The following ANTXRL variants were observed in gnomAD, a reference collection of about 807,000 sequenced individuals.
ANTXRL encodes the protein ANTXR like.
In ANTXRL, 63 loss-of-function variants were observed where a neutral mutation model predicts 75.4. That is an observed-to-expected ratio of 0.84 (90% confidence interval 0.68 to 1.03). The LOEUF (loss-of-function observed/expected upper bound fraction) is 1.03. Among genes scored for constraint, ANTXRL ranks in the 50% least tolerant of loss-of-function variants. The pLI is 0.00. For missense variants in ANTXRL, 797 were observed against 789.4 expected, an observed-to-expected ratio of 1.01 and a Z score of -0.12; for synonymous variants, 335 against 291.3, an observed-to-expected ratio of 1.15 and a Z score of -1.53.
At chr10:46,308,981 C>A in intron 12 of ANTXRL, 132 bp from the exon 13 acceptor site, 1 of 1,278,318 alleles carries the variant, frequency 7.8e-7, no homozygotes, top group Non-Finnish European at 1.1e-6. Context: ...CAGCCCTGGC[C>A]GCTGGCCCCA....
At position 46,287,140 on chromosome 10, in the gene ANTXRL, G is replaced by A; in HGVS notation, c.-123G>A. 1 of 1,280,446 alleles carries A rather than the reference G, an allele frequency of 7.8e-7. No individual in the cohort carries two copies. Among genetic ancestry groups the A allele is most frequent in the Non-Finnish European group, 1.0e-6 (1 of 953,166 alleles). The allele number at this position is 1,280,446 out of a possible 1,614,324, so 79.3% of individuals were successfully genotyped here. A position where few individuals can be genotyped will look rare whatever the true frequency, so the allele number is the denominator to read the frequency against. On this transcript the variant is annotated 5_prime_UTR_variant, in exon 1 of 17. Transcript: ENST00000620264. The stretch of plus-strand genomic sequence containing the variant: ...GGCCATAGTGTGCACTGGTGAAAGG[G>A]CAGGAGGAGGGGTGTGGCCCCGGGC...
chr10:46,297,802 G>A (rs1387077532), intron 7 of ANTXRL, 29 bp from the exon 8 acceptor site: 4 of 1,531,900 alleles, frequency 2.6e-6, no homozygotes, highest in Admixed American at 2.0e-5. Flanking sequence ...CTCCTGGTGG[G>A]GAGTCCAACC....
chr10:46,320,878 A>C (rs1271410750), intron 16 of ANTXRL, among the ~76,000 whole-genome samples: 6 of 152,204 alleles, frequency 3.9e-5, no homozygotes, highest in African/African-American at 1.2e-4. Context: ...TATACAAGCA[A>C]TTACTTGTAC....
At chr10:46,298,701 A>G (rs1565023610) in intron 9 of ANTXRL, among the ~76,000 whole-genome samples, 1 of 145,720 alleles carries the variant, frequency 6.9e-6, no homozygotes, top group African/African-American at 2.6e-5. Context: ...TGTGTTGCTG[A>G]TGTGTGTGGT....
intron 1 of ANTXRL, among the ~76,000 whole-genome samples, chr10:46,288,032 C>T (rs76069124): frequency 0.031 from 4,704 of 152,054 alleles, 172 homozygotes; most frequent in East Asian, 0.13. Context: ...GAGAGCCACG[C>T]GATAGTTCCT....
intron 16 of ANTXRL, among the ~76,000 whole-genome samples, chr10:46,322,327 G>A (rs1015568805): frequency 5.9e-5 from 9 of 151,922 alleles, no homozygotes; most frequent in South Asian, 2.1e-4. Context: ...GTGTGGTGGC[G>A]TATGCCTGTA....
At chr10:46,297,744 T>G (rs1457463240) in intron 7 of ANTXRL, 87 bp from the exon 8 acceptor site, 2 of 1,205,982 alleles carry the variant, frequency 1.7e-6, no homozygotes, top group Admixed American at 2.0e-5. Flanking sequence ...CCCCAAAGCA[T>G]GAGGGCAAGA....
At chr10:46,328,931 G>C (rs1212850432) in intron 16 of ANTXRL, among the ~76,000 whole-genome samples, 1 of 152,050 alleles carries the variant, frequency 6.6e-6, no homozygotes, top group African/African-American at 2.4e-5. Context: ...TTTTTGAAAG[G>C]CCCTGATCAA....
chr10:46,299,303 C>T (rs1222358943), intron 9 of ANTXRL, among the ~76,000 whole-genome samples: 1 of 152,162 alleles, frequency 6.6e-6, no homozygotes, highest in Non-Finnish European at 1.5e-5. Flanking sequence ...CACAAACACC[C>T]TCAGCTCACC....
At chr10:46,304,246 T>G (rs1458258831) in intron 10 of ANTXRL, among the ~76,000 whole-genome samples, 18 of 152,286 alleles carry the variant, frequency 1.2e-4, no homozygotes, top group African/African-American at 3.9e-4. Flanking sequence ...ACAGAAAGTC[T>G]TTGTATGTGT....
At chr10:46,295,463 G>GGTTAGAGTTAGA (rs74312662) in intron 3 of ANTXRL, among the ~76,000 whole-genome samples, 2,465 of 90,120 alleles carry the variant, frequency 0.027, 109 homozygotes, top group Non-Finnish European at 0.038. Flanking sequence ...TTAGGGTTTG[G>GGTTAGAGTTAGA]GTTAGAGTTA....
chr10:46,310,317 C>T, intron 13 of ANTXRL, 144 bp from the exon 14 acceptor site: 1 of 784,770 alleles, frequency 1.3e-6, no homozygotes, highest in Non-Finnish European at 2.1e-6. Flanking sequence ...GGTACAAGTT[C>T]ACAGGCTCAG....
At chr10:46,321,209 G>A (rs1432408603) in intron 16 of ANTXRL, among the ~76,000 whole-genome samples, 1 of 152,188 alleles carries the variant, frequency 6.6e-6, no homozygotes, top group African/African-American at 2.4e-5. Flanking sequence ...TGGAGCAGAA[G>A]CTTGAGCTAA....
intron 1 of ANTXRL, among the ~76,000 whole-genome samples, chr10:46,288,628 A>T (rs1482582326): frequency 6.6e-6 from 1 of 152,146 alleles, no homozygotes; most frequent in African/African-American, 2.4e-5. Context: ...TTGCTTCATC[A>T]TTCTGTGCCT....
chr10:46,295,826 C>T lies in ANTXRL; in HGVS notation c.393-193C>T, dbSNP rs113616442. On this transcript the variant is annotated intron_variant, in intron 3 of 16. Coordinates refer to ENST00000620264, the MANE Select transcript of ANTXRL (RefSeq NM_001278688.3). ...CCCCAGGCCTGCATTCTCTGTAACT[C>T]GGATGAGCTCAGAAGGGCTTGAAAT... is the stretch of plus-strand genomic sequence containing the variant. Among the ~76,000 whole-genome samples, 302 of 152,234 alleles carry T rather than the reference C, an allele frequency of 2.0e-3. 1 individual carries two copies. The highest frequency in any genetic ancestry group is 3.5e-3 in the Non-Finnish European group (239 of 68,020).
intron 16 of ANTXRL, among the ~76,000 whole-genome samples, chr10:46,322,103 T>C (rs973189739): frequency 2.0e-5 from 3 of 151,980 alleles, no homozygotes; most frequent in African/African-American, 7.3e-5. Flanking sequence ...GCTATTGTCA[T>C]TGAATCAGCT....
At chr10:46,307,537 T>C in intron 12 of ANTXRL, 57 bp downstream of exon 12, 1 of 1,445,806 alleles carries the variant, frequency 6.9e-7, no homozygotes, top group East Asian at 2.5e-5. Context: ...GCCTCTGCAC[T>C]AGAAGGAGCA....
chr10:46,296,059 G>T lies in ANTXRL; in HGVS notation c.433G>T (p.Val145Leu). Residue 145 changes from valine to leucine, a missense_variant, in exon 4 of 17, where the codon GTG (valine) becomes TTG (leucine). Coordinates refer to ENST00000620264, the MANE Select transcript of ANTXRL (RefSeq NM_001278688.3). ...CGGTCTTGACCAACTTCAGAAAATT[G>T]TGCCTGACGGTCACACATTCATGCA... is the stretch of plus-strand genomic sequence containing the variant. ...KNGLDQLQKIVPDGHTFMQAG... is the reference protein window; with the variant it reads ...KNGLDQLQKILPDGHTFMQAG... The T allele has an allele frequency of 6.5e-7, 1 of 1,535,926 alleles. No individual in the cohort carries two copies. The highest frequency in any genetic ancestry group is 8.7e-7 in the Non-Finnish European group (1 of 1,146,750).
chr10:46,297,172 C>T (rs1358598700), intron 5 of ANTXRL, 80 bp from the exon 6 acceptor site: 4 of 1,187,002 alleles, frequency 3.4e-6, no homozygotes, highest in Admixed American at 4.0e-5. Context: ...GTGGGCCCAG[C>T]CATCTGCAGG....
Sources: allele counts gnomAD v4.1 joint callset (sites outside exome capture counted in the v4.1 genomes callset), GRCh38; gene constraint gnomAD v4.1.1; transcripts MANE v1.5; gene names NCBI Gene and HGNC (gene_info 2026-07-23, HGNC 2026-07-21).